PCNX2: variants seen among roughly 807,000 people sequenced by gnomAD.
PCNX2 encodes pecanex-like protein 2.
A neutral mutation model predicts 223.8 loss-of-function variants in PCNX2; 168 were observed. That is an observed-to-expected ratio of 0.75 (90% confidence interval 0.66 to 0.85). The LOEUF (loss-of-function observed/expected upper bound fraction) is 0.85, where lower values mean the gene tolerates loss of function less well. Among genes scored for constraint, PCNX2 ranks in the 40% least tolerant of loss-of-function variants. The probability of loss-of-function intolerance (pLI) is 0.00; values close to 1 mark genes in which losing one functional copy is unlikely to be tolerated. For missense variants in PCNX2, 2,507 were observed against 2,675.5 expected (o/e 0.94, Z 1.39); for synonymous variants, 1,006 against 1,052.6 (o/e 0.96, Z 0.86).
chr1:233,258,457 C>T lies in PCNX2; in HGVS notation c.1405G>A (p.Gly469Ser). 2 of 1,613,954 alleles carry T rather than the reference C, an allele frequency of 1.2e-6. No individual in the cohort carries two copies. The highest frequency in any genetic ancestry group is 8.5e-7 in the Non-Finnish European group (1 of 1,179,886). Reference protein sequence around the residue: ...KTRVSTNQCSGYGSGEGGNAI... With the variant: ...KTRVSTNQCSSYGSGEGGNAI... Reference sequence around the variant, plus strand: ...TTTCCCCCCTCCCCAGATCCGTAGCCAGAACACTGATTGGTGGATACCCTC... The same window carrying T: ...TTTCCCCCCTCCCCAGATCCGTAGCTAGAACACTGATTGGTGGATACCCTC... The change falls in exon 5 of 34, where the codon GGC becomes AGC. Residue 469 changes from glycine (G) to serine (S), a missense_variant. Coordinates refer to ENST00000258229, the MANE Select transcript of PCNX2 (RefSeq NM_014801.4).
chr1:233,264,617 T>C (rs961619150), intron 1 of PCNX2, among the ~76,000 whole-genome samples: 7 of 152,080 alleles, frequency 4.6e-5, no homozygotes, highest in Non-Finnish European at 1.0e-4. Flanking sequence ...GGGGGAAAAG[T>C]CCACAAATAA....
At position 232,990,058 on chromosome 1, in the gene PCNX2, CTG is replaced by C. The variant is rs1039353104; in HGVS notation, c.5792-3520_5792-3519del. ...AGGTCTCTGGCTTCCTTTCTGGGAGCTGTGTGTCTCAACTCGGACGGGCATGG... is the reference window on the plus strand; with the variant it reads ...AGGTCTCTGGCTTCCTTTCTGGGAGCTGTGTCTCAACTCGGACGGGCATGG... On this transcript the variant is annotated intron_variant, in intron 32 of 33. Transcript: ENST00000258229. The surrounding 1 kb of genome is among the most constrained non-coding windows in gnomAD (Gnocchi z 4.3). 4.6e-5 allele frequency among the ~76,000 whole-genome samples: 7 copies of C among 152,226 alleles called. No individual in the cohort carries two copies. Among genetic ancestry groups the C allele is most frequent in the African/African-American group, 1.7e-4 (7 of 41,454 alleles).
chr1:233,083,222 A>C (rs532792789), intron 23 of PCNX2, among the ~76,000 whole-genome samples: 12 of 152,282 alleles, frequency 7.9e-5, no homozygotes, highest in Admixed American at 2.6e-4. Context: ...CATCTAGATG[A>C]GGCCGACTAG....
At chr1:233,217,610 C>G (rs990218044) in intron 12 of PCNX2, among the ~76,000 whole-genome samples, 1 of 152,098 alleles carries the variant, frequency 6.6e-6, no homozygotes, top group Non-Finnish European at 1.5e-5. Flanking sequence ...CGGTCTTCCC[C>G]CAAGACTGCT....
chr1:233,060,656 T>A (rs780918039), intron 23 of PCNX2, among the ~76,000 whole-genome samples: 5 of 152,214 alleles, frequency 3.3e-5, no homozygotes, highest in Non-Finnish European at 7.3e-5. Context: ...AACTGTCCAA[T>A]CAAATGAACA....
At chr1:233,234,561 G>C (rs926756421) in intron 9 of PCNX2, among the ~76,000 whole-genome samples, 1 of 152,102 alleles carries the variant, frequency 6.6e-6, no homozygotes, top group African/African-American at 2.4e-5. Context: ...GACTATTTCT[G>C]ATTTATTCTT....
Position 233,113,099 on chromosome 1 carries a change from C to G in PCNX2, c.3838-17236G>C. The G allele has an allele frequency of 8.7e-6, 9 of 1,032,328 alleles. No individual in the cohort carries two copies. The South Asian group carries it at 1.3e-4, about 14-fold the overall frequency. The allele number at this position is 1,032,328 out of a possible 1,614,324, so 63.9% of individuals were successfully genotyped here. A position where few individuals can be genotyped will look rare whatever the true frequency, so the allele number is the denominator to read the frequency against. On this transcript the variant is annotated intron_variant, in intron 21 of 33. Coordinates refer to ENST00000258229, the MANE Select transcript of PCNX2 (RefSeq NM_014801.4). ...ATGCAGCCACAGGCTGTGGTCACAA[C>G]GCAGTGAGCTGGCCAGTTGGGTGAC...
chr1:233,217,332 T>C (rs1381750855), intron 12 of PCNX2, among the ~76,000 whole-genome samples: 2 of 152,188 alleles, frequency 1.3e-5, no homozygotes, highest in East Asian at 1.9e-4. Flanking sequence ...CATAAGTATA[T>C]ACAATAAATT....
In PCNX2 at chr1:233,295,283, C is replaced by T. The variant is rs1662012993; in HGVS notation, c.153+43G>A. On this transcript the variant is annotated intron_variant, in intron 1 of 33. Transcript: ENST00000258229. This position sits in a 1 kb window ranked among gnomAD's most constrained non-coding sequence, Gnocchi z 4.1. Reference sequence around the variant, plus strand: ...TCTGTGGTTCCTTTCTCCTTCTTCCCTCCATACCCACAGCTCCCCGGGACC... The same window carrying T: ...TCTGTGGTTCCTTTCTCCTTCTTCCTTCCATACCCACAGCTCCCCGGGACC... The T allele has an allele frequency of 6.4e-7, 1 of 1,561,686 alleles. No individual in the cohort carries two copies. Among genetic ancestry groups the T allele is most frequent in the East Asian group, 2.4e-5 (1 of 41,556 alleles).
In PCNX2 at chr1:233,208,520, A is replaced by G. The variant is rs142580547; in HGVS notation, c.2861T>C (p.Ile954Thr). Residue 954 changes from isoleucine (I) to threonine (T), a missense_variant and splice_region_variant, in exon 13 of 34, where the codon ATA becomes ACA. Coordinates refer to ENST00000258229, the MANE Select transcript of PCNX2 (RefSeq NM_014801.4). Reference protein sequence around the residue: ...VFLQSARDYLIVFLYCFPAIS... With the variant: ...VFLQSARDYLTVFLYCFPAIS... ...CCACAACCCCATAATTAACTCACCTATTAAGTAGTCCCTAGCTGATTGTAG... is the reference window on the plus strand; with the variant it reads ...CCACAACCCCATAATTAACTCACCTGTTAAGTAGTCCCTAGCTGATTGTAG... 2.0e-4 allele frequency: 315 copies of G among 1,613,066 alleles called. 1 individual carries two copies. In the African/African-American group the frequency reaches 3.1e-3, roughly 16 times the overall value.
chr1:233,088,786 A>C (rs924045759), intron 23 of PCNX2, among the ~76,000 whole-genome samples: 1 of 152,176 alleles, frequency 6.6e-6, no homozygotes, highest in Non-Finnish European at 1.5e-5. Flanking sequence ...AGCATGGGTC[A>C]AGCTGGGACA....
chr1:233,258,100 T>C lies in PCNX2; in HGVS notation c.1762A>G (p.Thr588Ala). 6.2e-7 allele frequency: 1 copy of C among 1,614,012 alleles called. No individual in the cohort carries two copies. The highest frequency in any genetic ancestry group is 8.5e-7 in the Non-Finnish European group (1 of 1,179,882). Residue 588 changes from threonine (T) to alanine (A), a missense_variant, in exon 5 of 34, where the codon ACT becomes GCT. Thr to Ala is a moderately conservative substitution (Grantham distance 58). Transcript: ENST00000258229. ...EFVSLLESIN[T>A]SKMTASSQLN... ...TGACTGGATGCCGTCATCTTGGAAG[T>C]ATTAATGGATTCTAACAGGGAGACA...
At chr1:233,189,979 G>T (rs1680325327) in intron 15 of PCNX2, among the ~76,000 whole-genome samples, 1 of 152,072 alleles carries the variant, frequency 6.6e-6, no homozygotes, top group Non-Finnish European at 1.5e-5. Flanking sequence ...GAGTCAAAGA[G>T]AATATGAAAT....
At position 232,998,311 on chromosome 1, in the gene PCNX2, G is replaced by A; in HGVS notation, c.5731C>T (p.Gln1911Ter). ...SGGSQESSAE[Q>*]PRKGGAQHGV... Reference sequence around the variant, plus strand: ...TGCTGAGCACCGCCTTTTCTGGGCTGTTCTGCGCTGCTCTCCTGGCTGCCA... The same window carrying A: ...TGCTGAGCACCGCCTTTTCTGGGCTATTCTGCGCTGCTCTCCTGGCTGCCA... The change falls in exon 32 of 34, where the codon CAG becomes TAG. Residue 1911 changes from glutamine to a stop codon, truncating the protein, a stop_gained. Transcript: ENST00000258229. LOFTEE classifies it high-confidence loss of function. The A allele has an allele frequency of 6.2e-7, 1 of 1,612,578 alleles. No individual in the cohort carries two copies. The highest frequency in any genetic ancestry group is 8.5e-7 in the Non-Finnish European group (1 of 1,179,316).
chr1:233,021,248 CCGTGTTTTTGGG>C (rs1476273564), intron 26 of PCNX2, among the ~76,000 whole-genome samples: 1 of 152,134 alleles, frequency 6.6e-6, no homozygotes, highest in East Asian at 1.9e-4. Flanking sequence ...CACGGGGGCA[CCGTGTTTTTGGG>C]CATCTGCCCA....
chr1:233,059,988 CTTTCTTTT>C (rs1447771508), intron 23 of PCNX2, among the ~76,000 whole-genome samples: 3 of 152,124 alleles, frequency 2.0e-5, no homozygotes, highest in African/African-American at 7.2e-5. Flanking sequence ...AAAAAGTATT[CTTTCTTTT>C]CATGTATGTC....
At chr1:233,238,147 T>C (rs1489308674) in intron 8 of PCNX2, among the ~76,000 whole-genome samples, 2 of 152,200 alleles carry the variant, frequency 1.3e-5, no homozygotes, top group African/African-American at 2.4e-5. Context: ...GGGCCTCTTG[T>C]GTTCTGGCAT....
In PCNX2 at chr1:233,205,567, C is replaced by T. The variant is rs557764900; in HGVS notation, c.2863+2951G>A. On this transcript the variant is annotated intron_variant, in intron 13 of 33. Transcript: ENST00000258229. ...AAAATTAGCTAGGTATGATGGCACG[C>T]ACCTATAATCCCAGCTACTTGGGAG... Among the ~76,000 whole-genome samples the T allele has an allele frequency of 3.4e-3, 514 of 152,058 alleles. 4 individuals carry two copies. Among genetic ancestry groups the T allele is most frequent in the African/African-American group, 0.012 (497 of 41,472 alleles).
At position 233,251,004 on chromosome 1, in the gene PCNX2, T is replaced by C. The variant is rs6681622; in HGVS notation, c.2129-172A>G. 9.9e-3 allele frequency: 3,520 copies of C among 353,998 alleles called. 107 individuals carry two copies. The highest frequency in any genetic ancestry group is 0.07 in the African/African-American group (3,162 of 45,066). 21.9% of individuals were successfully genotyped at this position (353,998 alleles called of 1,614,324 possible). Reference sequence around the variant, plus strand: ...TGCACAGAACATATATCATGAGAAGTTGAAGGATGTCTGAAAGAAACTTTA... The same window carrying C: ...TGCACAGAACATATATCATGAGAAGCTGAAGGATGTCTGAAAGAAACTTTA... On this transcript the variant is annotated intron_variant, in intron 7 of 33. Transcript: ENST00000258229.
Sources: allele counts gnomAD v4.1 joint callset (sites outside exome capture counted in the v4.1 genomes callset), GRCh38; gene constraint gnomAD v4.1.1; non-coding constraint Gnocchi (gnomAD v3.1); transcripts MANE v1.5; gene names NCBI Gene and HGNC (gene_info 2026-07-23, HGNC 2026-07-21).